The following TJP3 variants were observed in gnomAD, a reference collection of about 807,000 sequenced individuals.
TJP3 encodes the protein tight junction protein ZO-3.
In TJP3, 85 loss-of-function variants were observed where a neutral mutation model predicts 104.2. The ratio of observed to expected loss-of-function variants is 0.82; its 90% CI spans 0.68 to 0.98. The LOEUF (loss-of-function observed/expected upper bound fraction) is 0.98. Among genes scored for constraint, TJP3 ranks in the 50% least tolerant of loss-of-function variants. TJP3 has a pLI of 0.00. For missense variants in TJP3, 1,367 were observed against 1,322.8 expected, an observed-to-expected ratio of 1.03 and a Z score of -0.52; for synonymous variants, 550 against 550.6, an observed-to-expected ratio of 1.00 and a Z score of 0.02.
chr19:3,744,979 G>A (rs2145702635), intron 15 of TJP3, among the ~76,000 whole-genome samples: 1 of 151,976 alleles, frequency 6.6e-6, no homozygotes, highest in African/African-American at 2.4e-5. Flanking sequence ...TGGGTGTGGT[G>A]GCTCACATGT....
chr19:3,726,515 C>G (rs1014333428), intron 1 of TJP3, among the ~76,000 whole-genome samples: 1 of 152,012 alleles, frequency 6.6e-6, no homozygotes, highest in Admixed American at 6.6e-5. Context: ...AGGAGAATCG[C>G]TTGAAACTAG....
At chr19:3,716,030 C>G (rs1402231401) in intron 1 of TJP3, among the ~76,000 whole-genome samples, 1 of 151,778 alleles carries the variant, frequency 6.6e-6, no homozygotes, top group South Asian at 2.1e-4. Flanking sequence ...CCACCCACCT[C>G]AGCCTCCCGA....
chr19:3,736,591 T>C (rs1194115549), intron 11 of TJP3, among the ~76,000 whole-genome samples: 1 of 152,156 alleles, frequency 6.6e-6, no homozygotes, highest in Non-Finnish European at 1.5e-5. Flanking sequence ...GTTGTTGTTT[T>C]TGAGATGGAG....
intron 1 of TJP3, among the ~76,000 whole-genome samples, chr19:3,718,015 A>C (rs1482713331): frequency 6.6e-6 from 1 of 151,338 alleles, no homozygotes; most frequent in Non-Finnish European, 1.5e-5. Flanking sequence ...GGAGTTTGAG[A>C]CCATCCTGGC....
intron 15 of TJP3, among the ~76,000 whole-genome samples, chr19:3,744,932 T>TA (rs1432236474): frequency 6.6e-6 from 1 of 151,388 alleles, no homozygotes; most frequent in African/African-American, 2.4e-5. Context: ...TGTCTCGAAA[T>TA]AAAAAACAAA....
intron 14 of TJP3, 165 bp from the exon 15 acceptor site, chr19:3,743,774 A>C (rs1333067156): frequency 1.6e-6 from 1 of 613,492 alleles, no homozygotes; most frequent in Non-Finnish European, 2.9e-6. Context: ...CATAAGGCTA[A>C]CCTAGCTGCA....
chr19:3,723,811 ATAT>A (rs1331502337), intron 1 of TJP3, among the ~76,000 whole-genome samples: 20,529 of 86,700 alleles, frequency 0.24, 1,833 homozygotes, highest in Admixed American at 0.31. Flanking sequence ...AAAAAAAAAT[ATAT>A]ATATATATAT....
chr19:3,734,004 T>A, intron 7 of TJP3, 92 bp downstream of exon 7: 2 of 1,504,282 alleles, frequency 1.3e-6, no homozygotes, highest in Non-Finnish European at 1.8e-6. Context: ...TCAATGAGCC[T>A]GGTCCCTAGA....
intron 3 of TJP3, among the ~76,000 whole-genome samples, chr19:3,729,314 C>T (rs772891872): frequency 6.6e-6 from 1 of 152,100 alleles, no homozygotes; most frequent in African/African-American, 2.4e-5. Context: ...TTCTGGGCCC[C>T]AAGTGGCTGA....
At chr19:3,715,619 G>C (rs1284083872) in intron 1 of TJP3, among the ~76,000 whole-genome samples, 1 of 152,212 alleles carries the variant, frequency 6.6e-6, no homozygotes, top group South Asian at 2.1e-4. Flanking sequence ...CTCTTAGAGG[G>C]GTTGACAGTG....
chr19:3,738,984 T>C lies in TJP3; in HGVS notation c.1481T>C (p.Leu494Pro). 2 of 1,613,276 alleles carry C rather than the reference T, an allele frequency of 1.2e-6. No individual in the cohort carries two copies. Residue 494 changes from leucine to proline, a missense_variant, in exon 13 of 21, where the codon CTG becomes CCG. Leu to Pro is a moderately conservative substitution (Grantham distance 98, BLOSUM62 -3). Coordinates refer to ENST00000541714, the MANE Select transcript of TJP3 (RefSeq NM_001267560.2). ...CTGGAGCCCAGTCCACCGTCTGGCC[T>C]GGGCTTCACCCGTGGCGACGTCTTC... ...FELEPSPPSG[L>P]GFTRGDVFHV... is the part of the protein sequence containing the mutation.
intron 14 of TJP3, among the ~76,000 whole-genome samples, chr19:3,742,086 T>C (rs1330104560): frequency 2.0e-5 from 3 of 152,180 alleles, no homozygotes; most frequent in African/African-American, 4.8e-5. Context: ...GTGCAAGGCA[T>C]GTAGATAGCC....
Position 3,733,803 on chromosome 19 carries a change from G to A in TJP3, c.768G>A (p.Leu256=). ...TGTCACTGAACGACACCCGGCGACT[G>A]ATTGAGAAGTCAGAAGGGAAGCTAA... ...QNLSLNDTRR[L]IEKSEGKLSL... is the part of the protein sequence containing the mutation. Residue 256 remains leucine, a synonymous_variant, in exon 7 of 21, where the codon CTG becomes CTA. Coordinates refer to ENST00000541714, the MANE Select transcript of TJP3 (RefSeq NM_001267560.2). The A allele has an allele frequency of 6.2e-7, 1 of 1,614,234 alleles. No homozygotes were observed. Among genetic ancestry groups the A allele is most frequent in the Non-Finnish European group, 8.5e-7 (1 of 1,180,036 alleles).
intron 1 of TJP3, among the ~76,000 whole-genome samples, chr19:3,722,544 G>A (rs1006410844): frequency 6.6e-6 from 1 of 151,372 alleles, no homozygotes; most frequent in Non-Finnish European, 1.5e-5. Context: ...GGCAGGGGTG[G>A]GGTGAGCAAG....
chr19:3,731,945 C>G lies in TJP3; in HGVS notation c.624C>G (p.Val208=), dbSNP rs1472881027. 1 of 1,613,030 alleles carries G rather than the reference C, an allele frequency of 6.2e-7. No homozygotes were observed. Among genetic ancestry groups the G allele is most frequent in the African/African-American group, 1.3e-5 (1 of 74,904 alleles). ...VKRRDSEEFG[V]KLGSQIFIKH... ...CCTCCCCCCTTACAGAGTTTGGCGT[C>G]AAGCTGGGCAGTCAGATCTTCATCA... The change falls in exon 6 of 21, where the codon GTC becomes GTG. Residue 208 remains valine, a synonymous_variant. Coordinates refer to ENST00000541714, the MANE Select transcript of TJP3 (RefSeq NM_001267560.2).
At chr19:3,735,460 A>G (rs2036726122) in intron 8 of TJP3, 106 bp from the exon 9 acceptor site, 4 of 1,171,648 alleles carry the variant, frequency 3.4e-6, no homozygotes, top group South Asian at 1.3e-5. Context: ...CGACCTCCCA[A>G]AATGCTAGGA....
chr19:3,736,322 G>C lies in TJP3; in HGVS notation c.1284+1G>C. 1 of 1,526,360 alleles carries C rather than the reference G, an allele frequency of 6.6e-7. No individual in the cohort carries two copies. Among genetic ancestry groups the C allele is most frequent in the South Asian group, 1.3e-5 (1 of 77,786 alleles). 94.6% of individuals were successfully genotyped at this position (1,526,360 alleles called of 1,614,324 possible). A position where few individuals can be genotyped will look rare whatever the true frequency, so the allele number is the denominator to read the frequency against. ...CCAGGAGGGAGATCAGATTCTGCAG[G>C]TGCTCCGGGGGCGGCTGGCCAGCCC... On this transcript the variant is annotated splice_donor_variant, in intron 11 of 20. Transcript: ENST00000541714. LOFTEE classifies it high-confidence loss of function.
chr19:3,730,655 G>T lies in TJP3; in HGVS notation c.562G>T (p.Val188Leu). 2 of 1,611,412 alleles carry T rather than the reference G, an allele frequency of 1.2e-6. No individual in the cohort carries two copies. Among genetic ancestry groups the T allele is most frequent in the Non-Finnish European group, 1.7e-6 (2 of 1,179,976 alleles). Reference sequence around the variant, plus strand: ...CTTTAAGCGGCTGCCACGGCAGGACGTGCAGATGAAGCCTGTGAAGTCAGT... The same window carrying T: ...CTTTAAGCGGCTGCCACGGCAGGACTTGCAGATGAAGCCTGTGAAGTCAGT... Reference protein sequence around the residue: ...SGFKRLPRQDVQMKPVKSVLV... With the variant: ...SGFKRLPRQDLQMKPVKSVLV... Residue 188 changes from valine to leucine, a missense_variant, in exon 5 of 21, where the codon GTG becomes TTG. Physicochemically the swap from Val to Leu is conservative, Grantham distance 32 (BLOSUM62 1). Coordinates refer to ENST00000541714, the MANE Select transcript of TJP3 (RefSeq NM_001267560.2). The surrounding 1 kb of genome is among the most constrained non-coding windows in gnomAD (Gnocchi z 7.3).
In TJP3 at chr19:3,736,226, G is replaced by A; in HGVS notation, c.1189G>A (p.Ala397Thr). ...GGGCAAGAGCATCGGGCTGCGGCTG[G>A]CAGGGGGCAATGACGTGGGCATCTT... ...LKGKSIGLRL[A>T]GGNDVGIFVS... The change falls in exon 11 of 21, where the codon GCA becomes ACA. Residue 397 changes from alanine to threonine, a missense_variant. Physicochemically the swap from Ala to Thr is moderately conservative, Grantham distance 58 (BLOSUM62 0). Coordinates refer to ENST00000541714, the MANE Select transcript of TJP3 (RefSeq NM_001267560.2). 3 of 1,592,588 alleles carry A rather than the reference G, an allele frequency of 1.9e-6. No individual in the cohort carries two copies. The highest frequency in any genetic ancestry group is 1.7e-5 in the Admixed American group (1 of 57,212).
Sources: gnomAD v4.1 joint callset for allele counts (sites outside exome capture counted in the v4.1 genomes callset) on GRCh38, gnomAD v4.1.1 for gene constraint, Gnocchi (gnomAD v3.1) non-coding constraint, MANE v1.5 for transcripts, NCBI Gene and HGNC (gene_info 2026-07-23, HGNC 2026-07-21) for gene names.